Variants in NEAT1 observed in about 807,000 individuals in gnomAD.
NEAT1 encodes MENepsilon/beta.
exon 1 of NEAT1, chr11:65,440,520 C>T (rs947844402): frequency 6.6e-6 from 1 of 151,282 alleles, no homozygotes; most frequent in African/African-American, 2.4e-5. Context: ...AAGGCAATGA[C>T]AGTCCCTGGC....
At chr11:65,425,397 GTTGTT>G (rs1248008085) in exon 1 of NEAT1, 1 of 152,064 alleles carries the variant, frequency 6.6e-6, no homozygotes, top group Non-Finnish European at 1.5e-5. Flanking sequence ...GTTTCAGAGG[GTTGTT>G]TTGTTTGGGG....
chr11:65,423,392 T>G (rs2134883576), exon 1 of NEAT1: 1 of 152,084 alleles, frequency 6.6e-6, no homozygotes, highest in Middle Eastern at 3.4e-3. Flanking sequence ...TGGTATGTAA[T>G]TTTCGCTCGG....
chr11:65,437,859 A>G (rs1856675648), exon 1 of NEAT1: 1 of 152,172 alleles, frequency 6.6e-6, no homozygotes, highest in Non-Finnish European at 1.5e-5. Flanking sequence ...TCACGCCGAC[A>G]GTGTCCAGTT....
exon 1 of NEAT1, chr11:65,438,955 T>A (rs2134904897): frequency 6.6e-6 from 1 of 152,370 alleles, no homozygotes; most frequent in East Asian, 1.9e-4. Flanking sequence ...TTTGAGGAAC[T>A]GCCAAACTAT....
At chr11:65,433,280 T>TTTG (rs1318186401) in exon 1 of NEAT1, 4 of 152,292 alleles carry the variant, frequency 2.6e-5, no homozygotes, top group South Asian at 2.1e-4. Flanking sequence ...GGCTCCAGTT[T>TTTG]TTGTTGTTGT....
exon 1 of NEAT1, chr11:65,432,877 A>T (rs1856625151): frequency 6.6e-6 from 1 of 151,528 alleles, no homozygotes; most frequent in Non-Finnish European, 1.5e-5. Context: ...AGTGTCCATT[A>T]TGTCACTCTG....
At chr11:65,431,769 T>C (rs1856615696) in exon 1 of NEAT1, 2 of 152,242 alleles carry the variant, frequency 1.3e-5, no homozygotes, top group Admixed American at 6.5e-5. Flanking sequence ...ATTAGAGTTA[T>C]CGTTGTTGTT....
chr11:65,444,018 TG>T (rs1856740128), exon 1 of NEAT1: 1 of 178,798 alleles, frequency 5.6e-6, no homozygotes, highest in Non-Finnish European at 1.2e-5. Context: ...ATCGGCAGGT[TG>T]GGACTTAGAT....
exon 1 of NEAT1, chr11:65,440,583 C>T (rs923230229): frequency 6.6e-6 from 1 of 151,792 alleles, no homozygotes; most frequent in Non-Finnish European, 1.5e-5. Flanking sequence ...TGAAGCAGGA[C>T]TTGTAAAGCA....
exon 1 of NEAT1, chr11:65,428,853 G>A (rs371978396): frequency 7.6e-4 from 116 of 151,700 alleles, no homozygotes; most frequent in African/African-American, 2.7e-3. Context: ...AAAGTTTACT[G>A]TAAAGTTTGC....
In NEAT1 at chr11:65,444,108, G is replaced by T. The variant is rs3741383; in HGVS notation, n.21311G>T. 236 of 225,536 alleles carry T rather than the reference G, an allele frequency of 1.0e-3. No individual in the cohort carries two copies. The East Asian group carries it at 0.036, about 35-fold the overall frequency. The allele number at this position is 225,536 out of a possible 1,614,324, so 14.0% of individuals were successfully genotyped here. On this transcript the variant is annotated non_coding_transcript_exon_variant, in exon 1 of 1. Transcript: ENST00000501122. ...TGTGTTTGGAGGCTGAAGTTGAAGCGAGGCTGTGAGGGGAGATGGACGTGT... is the reference window on the plus strand; with the variant it reads ...TGTGTTTGGAGGCTGAAGTTGAAGCTAGGCTGTGAGGGGAGATGGACGTGT...
At chr11:65,441,787 G>A (rs1856716798) in exon 1 of NEAT1, 1 of 152,138 alleles carries the variant, frequency 6.6e-6, no homozygotes, top group African/African-American at 2.4e-5. Context: ...GGCATGCCTT[G>A]GATTTTGTTG....
At chr11:65,430,456 C>T (rs1437315585) in exon 1 of NEAT1, 1 of 152,206 alleles carries the variant, frequency 6.6e-6, no homozygotes, top group East Asian at 1.9e-4. Flanking sequence ...GATTCTTAAC[C>T]TTCCCAAAGG....
chr11:65,440,921 A>G (rs1856708829), exon 1 of NEAT1: 1 of 151,246 alleles, frequency 6.6e-6, no homozygotes, highest in African/African-American at 2.4e-5. Context: ...GGGCATCATC[A>G]GGCAGGTTTT....
At chr11:65,440,495 CAG>C (rs1166121704) in exon 1 of NEAT1, 7 of 149,806 alleles carry the variant, frequency 4.7e-5, no homozygotes, top group Non-Finnish European at 8.9e-5. Flanking sequence ...AAAAACAAAA[CAG>C]AAAAAATAAA....
exon 1 of NEAT1, chr11:65,435,529 A>G (rs543809705): frequency 5.3e-5 from 8 of 152,266 alleles, no homozygotes; most frequent in Admixed American, 3.9e-4. Flanking sequence ...AGCCATCTCA[A>G]AGTGTGCTGC....
exon 1 of NEAT1, chr11:65,441,170 T>C (rs1196911417): frequency 6.6e-6 from 1 of 152,170 alleles, no homozygotes; most frequent in Non-Finnish European, 1.5e-5. Context: ...CAGGTACTTG[T>C]GAGCAAGGGG....
At chr11:65,438,315 A>T (rs1205550917) in exon 1 of NEAT1, 1 of 152,184 alleles carries the variant, frequency 6.6e-6, no homozygotes, top group Non-Finnish European at 1.5e-5. Flanking sequence ...TATGTATTTT[A>T]TTATTACCGG....
exon 1 of NEAT1, chr11:65,428,511 T>C (rs1856583501): frequency 6.6e-6 from 1 of 152,208 alleles, no homozygotes; most frequent in African/African-American, 2.4e-5. Flanking sequence ...GTGGTACTCA[T>C]TATGGTGCAG....
Sources: gnomAD v4.1 joint callset for allele counts on GRCh38, gnomAD v4.1.1 for gene constraint, MANE v1.5 for transcripts, NCBI Gene and HGNC (gene_info 2026-07-23, HGNC 2026-07-21) for gene names.